PARN: variants seen among roughly 807,000 people sequenced by gnomAD.
The protein encoded by PARN is poly(A)-specific ribonuclease, also known as poly(A)-specific ribonuclease PARN.
A neutral mutation model predicts 102.8 loss-of-function variants in PARN; 71 were observed. The observed-to-expected ratio is 0.69, with a 90% CI of 0.57 to 0.84. The LOEUF (loss-of-function observed/expected upper bound fraction) is 0.84. Ranked by LOEUF, PARN falls within the 40% of genes least tolerant of loss-of-function variation. PARN has a pLI of 0.00. For synonymous variants in PARN, 261 were observed against 252.9 expected (o/e 1.03, Z -0.30); for missense variants, 782 against 760.9 (o/e 1.03, Z -0.33).
chr16:14,539,833 A>AAC (rs1966772821), intron 21 of PARN, among the ~76,000 whole-genome samples: 1 of 152,228 alleles, frequency 6.6e-6, no homozygotes, highest in African/African-American at 2.4e-5. Context: ...TAACCGACTC[A>AAC]GATGGAAAAT....
chr16:14,614,267 A>G (rs1971722988), intron 6 of PARN, among the ~76,000 whole-genome samples: 2 of 152,012 alleles, frequency 1.3e-5, no homozygotes, highest in African/African-American at 4.8e-5. Flanking sequence ...AAAATGGGAA[A>G]AAAAAAAAAG....
At chr16:14,538,460 T>G (rs1470182525) in intron 21 of PARN, among the ~76,000 whole-genome samples, 2 of 151,924 alleles carry the variant, frequency 1.3e-5, no homozygotes, top group Admixed American at 6.6e-5. Flanking sequence ...CATCAAGTGA[T>G]AACGCCTGCC....
chr16:14,453,191 AAAAT>A (rs1442122086), intron 22 of PARN, among the ~76,000 whole-genome samples: 2 of 152,274 alleles, frequency 1.3e-5, no homozygotes, highest in African/African-American at 4.8e-5. Context: ...GATTAATTAA[AAAAT>A]AAAATGTCAC....
chr16:14,565,941 A>G (rs1463277801), intron 18 of PARN, among the ~76,000 whole-genome samples: 1 of 152,238 alleles, frequency 6.6e-6, no homozygotes, highest in Non-Finnish European at 1.5e-5. Context: ...TTTGATAGGT[A>G]GCCCAAATTT....
At chr16:14,573,874 C>CT (rs1206174650) in intron 18 of PARN, among the ~76,000 whole-genome samples, 2 of 152,198 alleles carry the variant, frequency 1.3e-5, no homozygotes, top group African/African-American at 4.8e-5. Flanking sequence ...AAACCTCTTT[C>CT]TTTTGTAAAT....
intron 14 of PARN, among the ~76,000 whole-genome samples, chr16:14,585,802 TCTA>T (rs752061678): frequency 3.6e-4 from 55 of 152,234 alleles, no homozygotes; most frequent in Non-Finnish European, 5.7e-4. Context: ...GAGTCGTTGG[TCTA>T]CTTTCACTCT....
In PARN at chr16:14,580,868, A is replaced by G. The variant is rs1382552508; in HGVS notation, c.1262+6T>C. On this transcript the variant is annotated splice_donor_region_variant and intron_variant, in intron 18 of 23. Transcript: ENST00000437198. ...ACTTGGAAACTGGAACTCTCTGATTACTTACTTGTTAAAAAAAGGTTCAAT... is the reference window on the plus strand; with the variant it reads ...ACTTGGAAACTGGAACTCTCTGATTGCTTACTTGTTAAAAAAAGGTTCAAT... The G allele has an allele frequency of 1.3e-6, 2 of 1,570,778 alleles. No individual in the cohort carries two copies. Among genetic ancestry groups the G allele is most frequent in the Admixed American group, 3.3e-5 (2 of 59,890 alleles).
At chr16:14,468,331 G>T (rs1359974704) in intron 22 of PARN, among the ~76,000 whole-genome samples, 5 of 152,182 alleles carry the variant, frequency 3.3e-5, no homozygotes, top group Non-Finnish European at 7.4e-5. Flanking sequence ...CTCTGTAAAT[G>T]CCAGTGCCTT....
At chr16:14,458,228 G>C (rs1442446220) in intron 22 of PARN, among the ~76,000 whole-genome samples, 1 of 151,992 alleles carries the variant, frequency 6.6e-6, no homozygotes, top group Non-Finnish European at 1.5e-5. Context: ...TATACAATTA[G>C]TTGGACCTGA....
intron 6 of PARN, among the ~76,000 whole-genome samples, chr16:14,615,367 C>T (rs1168884653): frequency 6.6e-6 from 1 of 151,080 alleles, no homozygotes; most frequent in Non-Finnish European, 1.5e-5. Context: ...GTGGTTCCTT[C>T]AAGAGATGCT....
At chr16:14,568,851 C>T (rs1371816044) in intron 18 of PARN, among the ~76,000 whole-genome samples, 2 of 151,842 alleles carry the variant, frequency 1.3e-5, no homozygotes, top group African/African-American at 4.8e-5. Flanking sequence ...GCCGAGATCA[C>T]GCCATTGCAC....
At chr16:14,533,532 A>G (rs1049759998) in intron 21 of PARN, among the ~76,000 whole-genome samples, 1 of 150,888 alleles carries the variant, frequency 6.6e-6, no homozygotes, top group African/African-American at 2.4e-5. Flanking sequence ...AGTAAAATCC[A>G]TGTTTCCACG....
intron 22 of PARN, among the ~76,000 whole-genome samples, chr16:14,461,491 T>C (rs1961972260): frequency 6.6e-6 from 1 of 152,210 alleles, no homozygotes; most frequent in African/African-American, 2.4e-5. Flanking sequence ...TCCTTTGCGC[T>C]TTCAATGTAG....
intron 21 of PARN, among the ~76,000 whole-genome samples, chr16:14,531,361 CAA>C (rs113584468): frequency 7.2e-6 from 1 of 139,176 alleles, no homozygotes. Flanking sequence ...GACTCCATCT[CAA>C]AAAAAAAAAA....
At chr16:14,609,824 G>A (rs1971413334) in intron 7 of PARN, among the ~76,000 whole-genome samples, 1 of 152,224 alleles carries the variant, frequency 6.6e-6, no homozygotes, top group Non-Finnish European at 1.5e-5. Context: ...GGCTGGATAA[G>A]CCTGATCCAC....
intron 18 of PARN, among the ~76,000 whole-genome samples, chr16:14,558,117 A>G (rs1967815512): frequency 6.6e-6 from 1 of 152,196 alleles, no homozygotes; most frequent in Non-Finnish European, 1.5e-5. Flanking sequence ...TAAACACCAA[A>G]TTTTTTAAAA....
At chr16:14,566,393 G>A (rs1457448068) in intron 18 of PARN, among the ~76,000 whole-genome samples, 1 of 152,152 alleles carries the variant, frequency 6.6e-6, no homozygotes, top group Non-Finnish European at 1.5e-5. Flanking sequence ...GCAGAGGGAT[G>A]CCAAGGAACG....
At chr16:14,626,135 T>C (rs1241518848) in intron 5 of PARN, among the ~76,000 whole-genome samples, 1 of 152,114 alleles carries the variant, frequency 6.6e-6, no homozygotes, top group Non-Finnish European at 1.5e-5. Flanking sequence ...CTTTCCTAAT[T>C]AGTGAGCTTG....
chr16:14,495,554 G>A (rs1245282144), intron 21 of PARN, among the ~76,000 whole-genome samples: 1 of 152,194 alleles, frequency 6.6e-6, no homozygotes, highest in Non-Finnish European at 1.5e-5. Context: ...GGGGTCAGAG[G>A]GTCTTCAGTA....
Sources: allele counts gnomAD v4.1 joint callset (sites outside exome capture counted in the v4.1 genomes callset), GRCh38; gene constraint gnomAD v4.1.1; transcripts MANE v1.5; gene names NCBI Gene and HGNC (gene_info 2026-07-23, HGNC 2026-07-21).